The following SQOR variants were observed in gnomAD, a reference collection of about 807,000 sequenced individuals.
The protein encoded by SQOR is sulfide quinone oxidoreductase.
In SQOR, 39 loss-of-function variants were observed where a neutral mutation model predicts 48.6. That is an observed-to-expected ratio of 0.80 (90% CI 0.62 to 1.05). SQOR has a LOEUF of 1.05. Ranked by LOEUF, SQOR falls within the 50% of genes least tolerant of loss-of-function variation. The pLI is 0.00. For missense variants in SQOR, 561 were observed against 559.9 expected, an observed-to-expected ratio of 1.00 and a Z score of -0.02; for synonymous variants, 220 against 206.2, an observed-to-expected ratio of 1.07 and a Z score of -0.57.
Position 45,662,976 on chromosome 15 carries a change from C to T in SQOR, c.405+851C>T, listed in dbSNP as rs140633713. 8.1e-4 allele frequency among the ~76,000 whole-genome samples: 123 copies of T among 152,284 alleles called. 1 individual carries two copies. The highest frequency in any genetic ancestry group is 7.5e-3 in the East Asian group (39 of 5,180). On this transcript the variant is annotated intron_variant, in intron 3 of 9. Coordinates refer to ENST00000260324, the MANE Select transcript of SQOR (RefSeq NM_021199.4). ...TCAGAGTTGGGTGAGGATCCTAAAA[C>T]GTTTTCAAGTCCAACCCTTCCTCCA...
rs74009661 is a variant in SQOR at position 45,649,043 on chromosome 15, G to A, written c.-17-9864G>A. Among the ~76,000 whole-genome samples the A allele has an allele frequency of 5.0e-3, 763 of 152,340 alleles. 13 individuals carry two copies. The highest frequency in any genetic ancestry group is 0.018 in the African/African-American group (728 of 41,580). ...GAATCTTTCATTAAGAATGCTCTGA[G>A]TAATTCTTGCTTAGCCAGCAGCTCT... On this transcript the variant is annotated intron_variant, in intron 1 of 9. Coordinates refer to ENST00000260324, the MANE Select transcript of SQOR (RefSeq NM_021199.4).
chr15:45,632,386 ATT>A (rs1481126522), upstream of SQOR, among the ~76,000 whole-genome samples: 3 of 151,652 alleles, frequency 2.0e-5, no homozygotes, highest in South Asian at 6.2e-4. Context: ...TGCCCGGCTA[ATT>A]TTTTTGTATT....
At chr15:45,632,210 C>T (rs1386805517), upstream of SQOR, among the ~76,000 whole-genome samples, 1 of 142,512 alleles carries the variant, frequency 7.0e-6, no homozygotes, top group Non-Finnish European at 1.5e-5. Context: ...CCCTCCCTCC[C>T]TCCCTCCCTC....
chr15:45,666,619 G>A (rs1322535382), intron 3 of SQOR, among the ~76,000 whole-genome samples: 1 of 152,000 alleles, frequency 6.6e-6, no homozygotes, highest in African/African-American at 2.4e-5. Context: ...TACATAAAAA[G>A]GAAAAGGATA....
intron 6 of SQOR, among the ~76,000 whole-genome samples, chr15:45,677,353 T>C (rs1203575316): frequency 1.3e-5 from 2 of 152,332 alleles, no homozygotes; most frequent in East Asian, 3.9e-4. Flanking sequence ...AATAGAAGTG[T>C]TCTCTTACAT....
At chr15:45,677,796 G>A (rs1890062900) in intron 6 of SQOR, among the ~76,000 whole-genome samples, 1 of 152,236 alleles carries the variant, frequency 6.6e-6, no homozygotes, top group Admixed American at 6.5e-5. Context: ...TGCTTCCCAG[G>A]TTCAAGCGAT....
chr15:45,645,754 T>C (rs1895192782), intron 1 of SQOR: 2 of 152,244 alleles, frequency 1.3e-5, no homozygotes, highest in Admixed American at 6.5e-5. Context: ...TTCTATAATC[T>C]TGTGAGCCAG....
At chr15:45,651,280 C>T (rs1197275449) in intron 1 of SQOR, among the ~76,000 whole-genome samples, 1 of 152,224 alleles carries the variant, frequency 6.6e-6, no homozygotes, top group Non-Finnish European at 1.5e-5. Context: ...GGGCCTGTGG[C>T]ACCAGCCTGC....
chr15:45,652,261 T>C (rs1889507481), intron 1 of SQOR, among the ~76,000 whole-genome samples: 2 of 152,228 alleles, frequency 1.3e-5, no homozygotes, highest in African/African-American at 4.8e-5. Flanking sequence ...TTATGCTCCT[T>C]GTTGACAGAA....
upstream of SQOR, chr15:45,634,735 G>A (rs905934751): frequency 2.0e-5 from 3 of 152,316 alleles, no homozygotes; most frequent in East Asian, 5.8e-4. Flanking sequence ...GCACCCAGGG[G>A]CGGAAGCGTC....
At chr15:45,648,563 C>T (rs543561244) in intron 1 of SQOR, among the ~76,000 whole-genome samples, 3 of 152,320 alleles carry the variant, frequency 2.0e-5, no homozygotes, top group African/African-American at 7.2e-5. Context: ...CTGATAATAG[C>T]ATTAGGGCTG....
intron 3 of SQOR, among the ~76,000 whole-genome samples, chr15:45,667,939 T>C (rs887364002): frequency 2.1e-4 from 22 of 103,142 alleles, no homozygotes; most frequent in Admixed American, 1.3e-3. Context: ...CTTTCTTTCT[T>C]TCTTTTTTTT....
rs934459578 is a variant in SQOR, at chr15:45,643,027, C to G, written c.-18+7919C>G. Among the ~76,000 whole-genome samples, 11 of 152,308 alleles carry G rather than the reference C, an allele frequency of 7.2e-5. No individual in the cohort carries two copies. The East Asian group carries it at 1.9e-3, about 27-fold the overall frequency. On this transcript the variant is annotated intron_variant, in intron 1 of 9. Transcript: ENST00000260324. ...TAATTTGTTCCAACACCAGAAGATT[C>G]TCTTACTCAAAGCTGCCCCTTTGTG...
At chr15:45,654,979 T>C (rs1347941048) in intron 1 of SQOR, among the ~76,000 whole-genome samples, 2 of 152,194 alleles carry the variant, frequency 1.3e-5, no homozygotes, top group East Asian at 3.8e-4. Flanking sequence ...ACTGTACACA[T>C]GGCTGACAAA....
chr15:45,690,850 T>TCC, intron 9 of SQOR, 123 bp from the exon 10 acceptor site: 1 of 829,564 alleles, frequency 1.2e-6, no homozygotes, highest in South Asian at 1.4e-5. Context: ...CACTAGACAA[T>TCC]CTTGCTTTAC....
chr15:45,676,155 T>G lies in SQOR; in HGVS notation c.709T>G (p.Phe237Val), dbSNP rs1429829279. Residue 237 changes from phenylalanine (F) to valine (V), a missense_variant, in exon 6 of 10, where the codon TTC (phenylalanine) becomes GTC (valine). Transcript: ENST00000260324. Reference protein sequence around the residue: ...IIFNTSLGAIFGVKKYADALQ... With the variant: ...IIFNTSLGAIVGVKKYADALQ... ...TTTCAACACTTCTCTTGGAGCCATT[T>G]TCGGGGTTAAGAAGTATGCAGATGC... 1 of 1,614,192 alleles carries G rather than the reference T, an allele frequency of 6.2e-7. No homozygotes were observed. Among genetic ancestry groups the G allele is most frequent in the Admixed American group, 1.7e-5 (1 of 60,028 alleles).
intron 3 of SQOR, among the ~76,000 whole-genome samples, chr15:45,665,919 G>T (rs1472833288): frequency 6.6e-6 from 1 of 152,038 alleles, no homozygotes; most frequent in East Asian, 1.9e-4. Context: ...CCACCTTATT[G>T]GTGAAAGACT....
At chr15:45,648,506 C>G (rs1382246313) in intron 1 of SQOR, among the ~76,000 whole-genome samples, 1 of 152,196 alleles carries the variant, frequency 6.6e-6, no homozygotes, top group Admixed American at 6.5e-5. Flanking sequence ...CAAATCCTGT[C>G]TTCTGGATTT....
chr15:45,645,505 T>C (rs1053605330), intron 1 of SQOR, among the ~76,000 whole-genome samples: 2 of 152,204 alleles, frequency 1.3e-5, no homozygotes, highest in African/African-American at 2.4e-5. Flanking sequence ...CCAATGTGGG[T>C]TGGCCTTACG....
Sources: gnomAD v4.1 joint callset for allele counts (sites outside exome capture counted in the v4.1 genomes callset) on GRCh38, gnomAD v4.1.1 for gene constraint, MANE v1.5 for transcripts, NCBI Gene and HGNC (gene_info 2026-07-23, HGNC 2026-07-21) for gene names.